The following PCDHGB3 variants were observed in gnomAD, a reference collection of about 807,000 sequenced individuals.
PCDHGB3 encodes the protein protocadherin gamma subfamily B, 3, also known as protocadherin gamma-B3.
A neutral mutation model predicts 59.2 loss-of-function variants in PCDHGB3; 40 were observed. The observed-to-expected ratio is 0.68, with a 90% CI of 0.52 to 0.88. PCDHGB3 has a LOEUF of 0.88. Ranked by LOEUF, PCDHGB3 falls within the 40% of genes least tolerant of loss-of-function variation. PCDHGB3 has a pLI of 0.00. For missense variants in PCDHGB3, 1,309 were observed against 1,187.9 expected (o/e 1.10, Z -1.50); for synonymous variants, 581 against 503.6 (o/e 1.15, Z -2.06).
intron 1 of PCDHGB3, chr5:141,427,525 CG>C (rs996050026): frequency 4.9e-6 from 3 of 612,098 alleles, no homozygotes; most frequent in Non-Finnish European, 9.2e-6. Flanking sequence ...GAGCGGATCC[CG>C]GAGTACAACG....
chr5:141,483,779 A>G (rs1259583177), intron 1 of PCDHGB3, among the ~76,000 whole-genome samples: 2 of 152,146 alleles, frequency 1.3e-5, no homozygotes, highest in Non-Finnish European at 2.9e-5. Context: ...TTGGGGAAGG[A>G]TAAGAACTCC....
At chr5:141,423,140 C>T (rs760216287) in intron 1 of PCDHGB3, 7 of 1,613,498 alleles carry the variant, frequency 4.3e-6, no homozygotes, top group Non-Finnish European at 2.5e-6. Flanking sequence ...GACAGAGACG[C>T]GCTCAAGCAG....
rs994881086 is a variant in PCDHGB3, at chr5:141,417,704, A to C, written c.2415+44895A>C. 1.0e-4 allele frequency: 125 copies of C among 1,207,342 alleles called. 3 individuals are homozygous for C. In the East Asian group the frequency reaches 2.7e-3, roughly 26 times the overall value. The allele number at this position is 1,207,342 out of a possible 1,614,324, so 74.8% of individuals were successfully genotyped here. Reference sequence around the variant, plus strand: ...CAGAAAAGAAAACCAGCTCCCACACAGAGGCTCCCGGCTGCGCAGACCTTG... The same window carrying C: ...CAGAAAAGAAAACCAGCTCCCACACCGAGGCTCCCGGCTGCGCAGACCTTG... On this transcript the variant is annotated intron_variant, in intron 1 of 3. Transcript: ENST00000576222.
intron 1 of PCDHGB3, among the ~76,000 whole-genome samples, chr5:141,459,461 G>A (rs1217201752): frequency 6.6e-6 from 1 of 152,214 alleles, no homozygotes; most frequent in Non-Finnish European, 1.5e-5. Flanking sequence ...GGACATTTGA[G>A]TTGTGTCCAG....
intron 2 of PCDHGB3, among the ~76,000 whole-genome samples, chr5:141,502,337 T>C (rs1562205634): frequency 6.6e-6 from 1 of 152,184 alleles, no homozygotes; most frequent in Admixed American, 6.5e-5. Flanking sequence ...CCCAGTCTTT[T>C]TATTTTTTTA....
In PCDHGB3 at chr5:141,372,676, CA is replaced by C. The variant is rs1170718624; in HGVS notation, c.2285del (p.Asn762ThrfsTer9). On this transcript the variant is annotated frameshift_variant, in exon 1 of 4. Coordinates refer to ENST00000576222, the MANE Select transcript of PCDHGB3 (RefSeq NM_018924.5). LOFTEE classifies it high-confidence loss of function. Reference protein sequence around the residue: ...SYNPCAASHSSNTEFKFLNIK... With the variant: ...SYNPCAASHSXNTEFKFLNIK... Reference sequence around the variant, plus strand: ...AATCCGTGTGCTGCCTCACATTCCTCAAACACCGAGTTTAAATTTCTCAATA... The same window carrying C: ...AATCCGTGTGCTGCCTCACATTCCTCAACACCGAGTTTAAATTTCTCAATA... 1.9e-6 allele frequency: 3 copies of C among 1,613,898 alleles called. No individual in the cohort carries two copies. Among genetic ancestry groups the C allele is most frequent in the Non-Finnish European group, 1.7e-6 (2 of 1,179,886 alleles).
At chr5:141,475,657 C>T (rs2099366732) in intron 1 of PCDHGB3, among the ~76,000 whole-genome samples, 1 of 152,204 alleles carries the variant, frequency 6.6e-6, no homozygotes, top group Non-Finnish European at 1.5e-5. Flanking sequence ...GAAAGTGATT[C>T]AAATGTTTAA....
chr5:141,376,675 C>CTT, intron 1 of PCDHGB3: 16 of 345,018 alleles, frequency 4.6e-5, no homozygotes, highest in Non-Finnish European at 6.4e-5. Context: ...GTGAGGGTAT[C>CTT]GTTTTTTTTT....
rs759737266 is a variant in PCDHGB3 at position 141,489,464 on chromosome 5, T to A, written c.2416-5343T>A. 5 of 1,614,030 alleles carry A rather than the reference T, an allele frequency of 3.1e-6. No homozygotes were observed. In the South Asian group the frequency reaches 3.3e-5, roughly 11 times the overall value. On this transcript the variant is annotated intron_variant, in intron 1 of 3. Transcript: ENST00000576222. The surrounding 1 kb of genome is among the most constrained non-coding windows in gnomAD (Gnocchi z 4.5). ...GGCTCTGAGGAGAATGGGCGCTATT[T>A]TTCCCTGAGCTTGATGAGTGGTGCC...
intron 1 of PCDHGB3, chr5:141,388,246 TGGA>T: frequency 6.2e-7 from 1 of 1,609,740 alleles, no homozygotes; most frequent in East Asian, 2.2e-5. Context: ...CACGTGAATG[TGGA>T]GATCGAGGAC....
chr5:141,423,317 C>T, intron 1 of PCDHGB3: 4 of 1,614,118 alleles, frequency 2.5e-6, no homozygotes, highest in Non-Finnish European at 3.4e-6. Flanking sequence ...TTGGTGGTGG[C>T]GGTGGCCGCA....
chr5:141,390,479 T>C lies in PCDHGB3; in HGVS notation c.2415+17670T>C, dbSNP rs143576019. On this transcript the variant is annotated intron_variant, in intron 1 of 3. Coordinates refer to ENST00000576222, the MANE Select transcript of PCDHGB3 (RefSeq NM_018924.5). Reference sequence around the variant, plus strand: ...GTAGGAGCAATTGTGTGGCCCAACATTTGTTTGTTTTTTAGCCAAGCTTAG... The same window carrying C: ...GTAGGAGCAATTGTGTGGCCCAACACTTGTTTGTTTTTTAGCCAAGCTTAG... 1.6e-3 allele frequency: 1,064 copies of C among 668,890 alleles called. 6 individuals are homozygous for C. The highest frequency in any genetic ancestry group is 0.016 in the African/African-American group (871 of 55,142). The allele number at this position is 668,890 out of a possible 1,614,324, so 41.4% of individuals were successfully genotyped here.
intron 1 of PCDHGB3, chr5:141,389,352 AT>A (rs1561624660): frequency 6.2e-7 from 1 of 1,613,628 alleles, no homozygotes; most frequent in African/African-American, 1.3e-5. Context: ...TTACTGCATC[AT>A]GGCCAGTGAC....
chr5:141,451,809 A>C (rs1316571749), intron 1 of PCDHGB3, among the ~76,000 whole-genome samples: 1 of 150,308 alleles, frequency 6.7e-6, no homozygotes, highest in Non-Finnish European at 1.5e-5. Flanking sequence ...TGAACCCAGG[A>C]GGCGGAGGTT....
rs1562059777 is a variant in PCDHGB3, at chr5:141,477,098, G to C, written c.2416-17709G>C. 6.2e-7 allele frequency: 1 copy of C among 1,614,242 alleles called. No individual in the cohort carries two copies. Among genetic ancestry groups the C allele is most frequent in the Non-Finnish European group, 8.5e-7 (1 of 1,180,046 alleles). ...GATTTACATCCAGGCCAAAGACAAG[G>C]GCGCCAATCCCGAAGGAGCACATTG... On this transcript the variant is annotated intron_variant, in intron 1 of 3. Transcript: ENST00000576222. This position sits in a 1 kb window ranked among gnomAD's most constrained non-coding sequence, Gnocchi z 4.9.
intron 1 of PCDHGB3, chr5:141,410,703 C>G (rs763776263): frequency 1.1e-5 from 16 of 1,467,494 alleles, no homozygotes; most frequent in Non-Finnish European, 9.1e-7. Flanking sequence ...ATTTTCATAT[C>G]TAGAATCATA....
intron 1 of PCDHGB3, chr5:141,376,319 G>C: frequency 3.7e-6 from 6 of 1,614,220 alleles, no homozygotes; most frequent in Non-Finnish European, 4.2e-6. Context: ...CGTGGAAGGG[G>C]TTCGGGCTTT....
intron 2 of PCDHGB3, among the ~76,000 whole-genome samples, chr5:141,503,340 T>A (rs1394172617): frequency 6.6e-6 from 1 of 152,064 alleles, no homozygotes; most frequent in African/African-American, 2.4e-5. Flanking sequence ...CTCACGCCTG[T>A]AATTCCAGCA....
At position 141,393,516 on chromosome 5, in the gene PCDHGB3, A is replaced by G. The variant is rs368866192; in HGVS notation, c.2415+20707A>G. 1.5e-5 allele frequency: 24 copies of G among 1,614,046 alleles called. No homozygotes were observed. Among genetic ancestry groups the G allele is most frequent in the African/African-American group, 2.7e-5 (2 of 75,084 alleles). ...GCGCATCCACGTGACAGTGTTGGAT[A>G]CAAATGACAATGCCCCGGTTTTTCC... is the stretch of plus-strand genomic sequence containing the variant. On this transcript the variant is annotated intron_variant, in intron 1 of 3. Transcript: ENST00000576222.
Sources: gnomAD v4.1 joint callset for allele counts (sites outside exome capture counted in the v4.1 genomes callset) on GRCh38, gnomAD v4.1.1 for gene constraint, Gnocchi (gnomAD v3.1) non-coding constraint, MANE v1.5 for transcripts, NCBI Gene and HGNC (gene_info 2026-07-23, HGNC 2026-07-21) for gene names.